The following METTL25 variants were observed in gnomAD, a reference collection of about 807,000 sequenced individuals.
METTL25 encodes methyltransferase like 25, also known as probable methyltransferase-like protein 25.
METTL25 carries 64 observed loss-of-function variants against 71.6 expected under a neutral mutation model. The ratio of observed to expected loss-of-function variants is 0.89; its 90% CI spans 0.73 to 1.10. METTL25 has a LOEUF of 1.10. Ranked by LOEUF, METTL25 falls within the 50% of genes least tolerant of loss-of-function variation. The probability of loss-of-function intolerance (pLI) is 0.00; values close to 1 mark genes in which losing one functional copy is unlikely to be tolerated. For missense variants in METTL25, 807 were observed against 707.0 expected (o/e 1.14, Z -1.60); for synonymous variants, 287 against 250.3 (o/e 1.15, Z -1.38).
intron 1 of METTL25, among the ~76,000 whole-genome samples, chr12:82,368,388 C>T (rs570896581): frequency 4.6e-5 from 7 of 152,150 alleles, no homozygotes; most frequent in African/African-American, 1.7e-4. Context: ...AGACACACAC[C>T]CCTGGAATTG....
At chr12:82,385,358 A>C (rs1160458935) in intron 1 of METTL25, among the ~76,000 whole-genome samples, 1 of 152,146 alleles carries the variant, frequency 6.6e-6, no homozygotes, top group Non-Finnish European at 1.5e-5. Context: ...ACAGAAGATT[A>C]GCTATGCTGG....
chr12:82,376,575 A>G (rs1195650841), intron 1 of METTL25, among the ~76,000 whole-genome samples: 1 of 152,222 alleles, frequency 6.6e-6, no homozygotes, highest in African/African-American at 2.4e-5. Flanking sequence ...GACAACGGTT[A>G]TTTCTCAAAA....
At chr12:82,470,467 T>G (rs955153901) in intron 9 of METTL25, among the ~76,000 whole-genome samples, 2 of 152,296 alleles carry the variant, frequency 1.3e-5, no homozygotes, top group African/African-American at 2.4e-5. Context: ...TTAAACACTT[T>G]TATGCTGTTT....
intron 1 of METTL25, among the ~76,000 whole-genome samples, chr12:82,383,421 A>G (rs549128506): frequency 6.6e-5 from 10 of 152,222 alleles, no homozygotes; most frequent in South Asian, 4.1e-4. Context: ...GTCTTAATTC[A>G]TACTACCTTG....
At position 82,438,919 on chromosome 12, in the gene METTL25, C is replaced by T. The variant is rs575277390; in HGVS notation, c.1478+128C>T. On this transcript the variant is annotated intron_variant, in intron 8 of 11. Coordinates refer to ENST00000248306, the MANE Select transcript of METTL25 (RefSeq NM_032230.3). The stretch of plus-strand genomic sequence containing the variant: ...GCAACTTTGAATTTGAGCATAATGT[C>T]AATAACAAGTACACAACAACTGTAT... 5.7e-5 allele frequency: 40 copies of T among 699,010 alleles called. No individual in the cohort carries two copies. The South Asian group carries it at 1.8e-3, about 32-fold the overall frequency. The allele number at this position is 699,010 out of a possible 1,614,324, so 43.3% of individuals were successfully genotyped here.
chr12:82,448,795 GA>G (rs1454033854), intron 8 of METTL25, among the ~76,000 whole-genome samples: 2 of 124,070 alleles, frequency 1.6e-5, no homozygotes, highest in Non-Finnish European at 3.4e-5. Flanking sequence ...TCCCTTAAAT[GA>G]TAGCTATTTA....
intron 9 of METTL25, among the ~76,000 whole-genome samples, chr12:82,464,164 T>G (rs1892080103): frequency 6.6e-6 from 1 of 151,958 alleles, no homozygotes; most frequent in Non-Finnish European, 1.5e-5. Context: ...GCTTTTGAGG[T>G]CTTACTCAAA....
At chr12:82,408,596 C>CTGTGTG (rs1887289003) in intron 5 of METTL25, among the ~76,000 whole-genome samples, 3 of 30,996 alleles carry the variant, frequency 9.7e-5, no homozygotes, top group Admixed American at 4.1e-4. Flanking sequence ...AGATGTGACT[C>CTGTGTG]CGTGTGTGTG....
intron 8 of METTL25, among the ~76,000 whole-genome samples, chr12:82,447,513 TA>T (rs759599224): frequency 2.4e-4 from 37 of 152,294 alleles, no homozygotes; most frequent in Non-Finnish European, 8.8e-5. Context: ...TGGTTCCACT[TA>T]TATAATTCAG....
intron 9 of METTL25, among the ~76,000 whole-genome samples, chr12:82,457,723 ATCGTAATCCCTTTG>A (rs1179572835): frequency 6.6e-6 from 1 of 152,042 alleles, no homozygotes; most frequent in Non-Finnish European, 1.5e-5. Flanking sequence ...CCTTTTAATT[ATCGTAATCCCTTTG>A]TATGTACTAT....
intron 9 of METTL25, among the ~76,000 whole-genome samples, chr12:82,473,430 T>G (rs1283688120): frequency 6.6e-6 from 1 of 152,080 alleles, no homozygotes. Flanking sequence ...AAGCCTGGGA[T>G]GTAGGCACAC....
At chr12:82,364,138 G>C (rs1882286499) in intron 1 of METTL25, among the ~76,000 whole-genome samples, 1 of 152,194 alleles carries the variant, frequency 6.6e-6, no homozygotes, top group Admixed American at 6.5e-5. Context: ...CAGGAATTCA[G>C]GAGCAGATTA....
At chr12:82,416,234 A>C (rs1403258289) in intron 5 of METTL25, among the ~76,000 whole-genome samples, 1 of 152,122 alleles carries the variant, frequency 6.6e-6, no homozygotes, top group African/African-American at 2.4e-5. Context: ...TGACAACAGC[A>C]CATAAACATT....
At chr12:82,421,750 C>T (rs1233526971) in intron 5 of METTL25, among the ~76,000 whole-genome samples, 6 of 152,100 alleles carry the variant, frequency 3.9e-5, no homozygotes, top group African/African-American at 7.2e-5. Flanking sequence ...AAACTACCAT[C>T]GGAGAATACT....
intron 1 of METTL25, among the ~76,000 whole-genome samples, chr12:82,367,493 C>T (rs1565798214): frequency 6.6e-6 from 1 of 152,200 alleles, no homozygotes; most frequent in East Asian, 1.9e-4. Flanking sequence ...CCTGTTACCT[C>T]AGTTCATAAT....
intron 1 of METTL25, among the ~76,000 whole-genome samples, chr12:82,374,754 A>C (rs913902512): frequency 6.6e-6 from 1 of 152,254 alleles, no homozygotes; most frequent in Admixed American, 6.5e-5. Flanking sequence ...ATTTCAGGAC[A>C]GTTAGAAACA....
chr12:82,392,068 T>A (rs1406060451), intron 3 of METTL25, among the ~76,000 whole-genome samples: 1 of 21,106 alleles, frequency 4.7e-5, no homozygotes, highest in Admixed American at 6.3e-4. Flanking sequence ...TGCCCATTTT[T>A]ATTTTTTTAT....
chr12:82,446,678 G>T (rs554137071), intron 8 of METTL25, among the ~76,000 whole-genome samples: 124 of 149,514 alleles, frequency 8.3e-4, no homozygotes, highest in Non-Finnish European at 1.4e-3. Flanking sequence ...GTGCAGTGGT[G>T]CAGTCTCGGC....
At chr12:82,382,910 A>C (rs147891386) in intron 1 of METTL25, among the ~76,000 whole-genome samples, 9 of 151,996 alleles carry the variant, frequency 5.9e-5, no homozygotes, top group Non-Finnish European at 7.4e-5. Context: ...AGGTCTTGCT[A>C]TGTTGCCCAG....
Sources: allele counts gnomAD v4.1 joint callset (sites outside exome capture counted in the v4.1 genomes callset), GRCh38; gene constraint gnomAD v4.1.1; transcripts MANE v1.5; gene names NCBI Gene and HGNC (gene_info 2026-07-23, HGNC 2026-07-21).